Variants in ACKR3 observed in about 807,000 individuals in gnomAD.
The protein encoded by ACKR3 is C-X-C chemokine receptor type 7.
In ACKR3, 6 loss-of-function variants were observed where a neutral mutation model predicts 22.4. The ratio of observed to expected loss-of-function variants is 0.27; its 90% CI spans 0.15 to 0.53. The LOEUF (loss-of-function observed/expected upper bound fraction) is 0.53, where lower values mean the gene tolerates loss of function less well. ACKR3 is among the 20% of genes least tolerant of loss of function. The probability of loss-of-function intolerance (pLI) is 0.96; values close to 1 mark genes in which losing one functional copy is unlikely to be tolerated. For synonymous variants in ACKR3, 209 were observed against 205.2 expected, an observed-to-expected ratio of 1.02 and a Z score of -0.16; for missense variants, 396 against 475.2, an observed-to-expected ratio of 0.83 and a Z score of 1.55.
the ACKR3 span, among the ~76,000 whole-genome samples, chr2:236,561,754 A>C: frequency 6.6e-6 from 1 of 152,202 alleles, no homozygotes; most frequent in Non-Finnish European, 1.5e-5. Context: ...GGCCTCCCAA[A>C]GTGCTGGGAT....
the ACKR3 span, among the ~76,000 whole-genome samples, chr2:236,560,521 G>T: frequency 6.6e-6 from 1 of 151,976 alleles, no homozygotes; most frequent in Non-Finnish European, 1.5e-5. Context: ...TTTTAAATTA[G>T]ACTATTGTTC....
the ACKR3 span, among the ~76,000 whole-genome samples, chr2:236,561,511 A>G: frequency 1.4e-5 from 2 of 147,986 alleles, no homozygotes; most frequent in Admixed American, 1.3e-4. Context: ...AACACAATTG[A>G]CTTTTTTTTT....
At chr2:236,552,635 A>G in the ACKR3 span, among the ~76,000 whole-genome samples, 3 of 152,230 alleles carry the variant, frequency 2.0e-5, no homozygotes, top group Non-Finnish European at 4.4e-5. Flanking sequence ...AACTATGATG[A>G]TGCAGTTGGA....
the ACKR3 span, among the ~76,000 whole-genome samples, chr2:236,549,082 A>G: frequency 6.6e-6 from 1 of 152,234 alleles, no homozygotes; most frequent in African/African-American, 2.4e-5. This position sits in a 1 kb window ranked among gnomAD's most constrained non-coding sequence, Gnocchi z 5.3. Context: ...CTAAGAACTC[A>G]TGGTAAACTT....
At chr2:236,547,261 T>G in the ACKR3 span, among the ~76,000 whole-genome samples, 2 of 152,242 alleles carry the variant, frequency 1.3e-5, no homozygotes, top group Admixed American at 1.3e-4. Context: ...TTCTTGTTTT[T>G]TTCTTCTTGC....
At chr2:236,579,475 T>G (rs1691477113) in intron 1 of ACKR3, among the ~76,000 whole-genome samples, 1 of 151,846 alleles carries the variant, frequency 6.6e-6, no homozygotes, top group Non-Finnish European at 1.5e-5. Context: ...CCCCTGTCAG[T>G]CTATCTGAAG....
the ACKR3 span, among the ~76,000 whole-genome samples, chr2:236,546,115 C>T: frequency 2.6e-5 from 4 of 152,186 alleles, no homozygotes; most frequent in Admixed American, 1.3e-4. This position sits in a 1 kb window ranked among gnomAD's most constrained non-coding sequence, Gnocchi z 4.9. Flanking sequence ...GTTTTGCTCC[C>T]GTACCAGAAT....
At position 236,581,662 on chromosome 2, in the gene ACKR3, T is replaced by C; in HGVS notation, c.*108T>C. On this transcript the variant is annotated 3_prime_UTR_variant, in exon 2 of 2. Coordinates refer to ENST00000272928, the MANE Select transcript of ACKR3 (RefSeq NM_020311.3). This position sits in a 1 kb window ranked among gnomAD's most constrained non-coding sequence, Gnocchi z 4.4. ...GTAGCTTCGGGTCTTGATGCTTGAG[T>C]AGAGTGAAGAGGGGAGCACGTGCCC... 2 of 1,409,398 alleles carry C rather than the reference T, an allele frequency of 1.4e-6. No individual in the cohort carries two copies. Among genetic ancestry groups the C allele is most frequent in the South Asian group, 2.8e-5 (2 of 70,288 alleles). The allele number at this position is 1,409,398 out of a possible 1,614,324, so 87.3% of individuals were successfully genotyped here. A position where few individuals can be genotyped will look rare whatever the true frequency, so the allele number is the denominator to read the frequency against.
chr2:236,560,316 C>CTTTT, the ACKR3 span, among the ~76,000 whole-genome samples: 177 of 118,894 alleles, frequency 1.5e-3, 2 homozygotes, highest in African/African-American at 2.7e-3. Flanking sequence ...CACTTGTTGC[C>CTTTT]TTTTTTTTTT....
At chr2:236,567,764 G>C (rs933116761), upstream of ACKR3, 1 of 152,450 alleles carries the variant, frequency 6.6e-6, no homozygotes, top group African/African-American at 2.4e-5. Flanking sequence ...GGGGACGGGT[G>C]GGGGACGTCG....
chr2:236,580,918 C>T lies in ACKR3; in HGVS notation c.453C>T (p.Asn151=), dbSNP rs1691511576. The T allele has an allele frequency of 6.2e-7, 1 of 1,614,220 alleles. No individual in the cohort carries two copies. The highest frequency in any genetic ancestry group is 8.5e-7 in the Non-Finnish European group (1 of 1,180,040). ...DRYLSITYFT[N]TPSSRKKMVR... is the part of the protein sequence containing the mutation. The stretch of plus-strand genomic sequence containing the variant: ...ACCTCTCCATCACCTACTTCACCAA[C>T]ACCCCCAGCAGCAGGAAGAAGATGG... The change falls in exon 2 of 2, where the codon AAC becomes AAT. Residue 151 remains asparagine, a synonymous_variant. Coordinates refer to ENST00000272928, the MANE Select transcript of ACKR3 (RefSeq NM_020311.3).
Position 236,577,464 on chromosome 2 carries a change from A to C in ACKR3, c.-26-2976A>C, listed in dbSNP as rs1030601827. ...CCTCTCAGTCCCACTCTGGGCTCTG[A>C]GAATACTGAAGGCTGCTGGTAGCTC... is the stretch of plus-strand genomic sequence containing the variant. On this transcript the variant is annotated intron_variant, in intron 1 of 1. Transcript: ENST00000272928. This position sits in a 1 kb window ranked among gnomAD's most constrained non-coding sequence, Gnocchi z 5.6. Among the ~76,000 whole-genome samples, 1 of 152,144 alleles carries C rather than the reference A, an allele frequency of 6.6e-6. No individual in the cohort carries two copies. The highest frequency in any genetic ancestry group is 1.5e-5 in the Non-Finnish European group (1 of 68,028).
upstream of ACKR3, among the ~76,000 whole-genome samples, chr2:236,568,870 T>A (rs1574971562): frequency 2.0e-5 from 3 of 152,288 alleles, no homozygotes; most frequent in African/African-American, 7.2e-5. Flanking sequence ...CTTGAGCCGC[T>A]CTTTAAGAAC....
At chr2:236,565,905 C>T (rs555883336), upstream of ACKR3, among the ~76,000 whole-genome samples, 2 of 152,264 alleles carry the variant, frequency 1.3e-5, no homozygotes, top group South Asian at 4.1e-4. Flanking sequence ...TGAAATGACT[C>T]CTGCCATGCC....
chr2:236,548,875 G>A, the ACKR3 span, among the ~76,000 whole-genome samples: 1 of 152,206 alleles, frequency 6.6e-6, no homozygotes, highest in South Asian at 2.1e-4. This position sits in a 1 kb window ranked among gnomAD's most constrained non-coding sequence, Gnocchi z 4.3. Context: ...TCGTGCACAT[G>A]CATCTAAAGA....
intron 1 of ACKR3, among the ~76,000 whole-genome samples, chr2:236,578,022 T>G (rs1475650757): frequency 6.6e-6 from 1 of 152,156 alleles, no homozygotes; most frequent in Admixed American, 6.5e-5. Context: ...TGCAAATGTG[T>G]TTCGTTTTAA....
At chr2:236,571,692 T>C (rs1053870306) in intron 1 of ACKR3, among the ~76,000 whole-genome samples, 2 of 149,786 alleles carry the variant, frequency 1.3e-5, no homozygotes, top group Non-Finnish European at 3.0e-5. Context: ...TTTTGTGTGA[T>C]CATTTTAGGG....
Position 236,574,119 on chromosome 2 carries a change from G to A in ACKR3, c.-27+4195G>A, listed in dbSNP as rs1691361308. On this transcript the variant is annotated intron_variant, in intron 1 of 1. Transcript: ENST00000272928. The surrounding 1 kb of genome is among the most constrained non-coding windows in gnomAD (Gnocchi z 5.6). ...AGCCGGCGGGGTCTCGGGGGTTGGG[G>A]GGAGATGTTTCTGATTTGTTGTCCT... Among the ~76,000 whole-genome samples the A allele has an allele frequency of 6.6e-6, 1 of 152,008 alleles. No homozygotes were observed. Among genetic ancestry groups the A allele is most frequent in the Non-Finnish European group, 1.5e-5 (1 of 67,986 alleles).
intron 1 of ACKR3, among the ~76,000 whole-genome samples, chr2:236,580,020 G>A (rs1293908389): frequency 2.0e-5 from 3 of 152,172 alleles, no homozygotes; most frequent in Admixed American, 6.5e-5. Flanking sequence ...CCATTCTTTG[G>A]GGACCTAGAT....
Sources: gnomAD v4.1 joint callset for allele counts (sites outside exome capture counted in the v4.1 genomes callset) on GRCh38, gnomAD v4.1.1 for gene constraint, Gnocchi (gnomAD v3.1) non-coding constraint, MANE v1.5 for transcripts, NCBI Gene and HGNC (gene_info 2026-07-23, HGNC 2026-07-21) for gene names.